BMPR2: variants seen among roughly 807,000 people sequenced by gnomAD.
BMPR2 encodes bone morphogenetic protein receptor type 2, also known as bone morphogenetic protein receptor type-2.
In BMPR2, 29 loss-of-function variants were observed where a neutral mutation model predicts 100.8. The observed-to-expected ratio is 0.29, with a 90% CI of 0.21 to 0.39. The LOEUF (loss-of-function observed/expected upper bound fraction) is 0.39. BMPR2 is among the 10% of genes least tolerant of loss of function. The pLI, the probability that BMPR2 is intolerant of heterozygous loss-of-function variation, is 1.00. For missense variants in BMPR2, 1,011 were observed against 1,274.5 expected (o/e 0.79, Z 3.15); for synonymous variants, 382 against 442.3 (o/e 0.86, Z 1.71).
intron 3 of BMPR2, among the ~76,000 whole-genome samples, chr2:202,478,547 C>G (rs1472048207): frequency 6.6e-6 from 1 of 152,024 alleles, no homozygotes; most frequent in African/African-American, 2.4e-5. Context: ...CATTTGAGCC[C>G]AGGAGTTTAA....
At chr2:202,469,742 C>CA (rs1296104960) in intron 3 of BMPR2, among the ~76,000 whole-genome samples, 1 of 152,022 alleles carries the variant, frequency 6.6e-6, no homozygotes, top group Non-Finnish European at 1.5e-5. Context: ...CTCGGCCTCC[C>CA]AAAGTGCTGA....
rs1249517799 is a variant in BMPR2 at position 202,535,265 on chromosome 2, G to A, written c.1276+2533G>A. ...TTCCCAGACGGAGCGGCTGCTGGGCGGAGAGGCTCCTCACTTCTCAGACGG... is the reference window on the plus strand; with the variant it reads ...TTCCCAGACGGAGCGGCTGCTGGGCAGAGAGGCTCCTCACTTCTCAGACGG... On this transcript the variant is annotated intron_variant, in intron 9 of 12. Coordinates refer to ENST00000374580, the MANE Select transcript of BMPR2 (RefSeq NM_001204.7). 6.4e-4 allele frequency among the ~76,000 whole-genome samples: 97 copies of A among 151,720 alleles called. 1 individual carries two copies. The highest frequency in any genetic ancestry group is 2.3e-3 in the African/African-American group (95 of 41,344).
At chr2:202,414,952 C>T (rs879341387) in intron 1 of BMPR2, among the ~76,000 whole-genome samples, 6 of 151,926 alleles carry the variant, frequency 3.9e-5, no homozygotes, top group African/African-American at 1.5e-4. Flanking sequence ...ATTGTCCAGG[C>T]TGGTCTTGAA....
At chr2:202,533,135 CT>C (rs1041097831) in intron 9 of BMPR2, among the ~76,000 whole-genome samples, 5 of 151,482 alleles carry the variant, frequency 3.3e-5, no homozygotes, top group South Asian at 2.1e-4. Flanking sequence ...TTTTCCTTTT[CT>C]TTTTTTTTCA....
intron 1 of BMPR2, among the ~76,000 whole-genome samples, chr2:202,384,791 C>G (rs1398985058): frequency 1.3e-5 from 2 of 151,878 alleles, no homozygotes; most frequent in Non-Finnish European, 2.9e-5. Context: ...CGGGGTTTCT[C>G]CATGCTGGTC....
chr2:202,518,047 C>T (rs1441129169), intron 5 of BMPR2, among the ~76,000 whole-genome samples: 2 of 137,530 alleles, frequency 1.5e-5, no homozygotes, highest in African/African-American at 2.7e-5. Flanking sequence ...AGGATGGTCT[C>T]GATCTCCTGA....
chr2:202,453,198 A>G (rs1692022395), intron 1 of BMPR2, among the ~76,000 whole-genome samples: 1 of 107,680 alleles, frequency 9.3e-6, no homozygotes, highest in Admixed American at 1.1e-4. Context: ...AGTTTAATAT[A>G]TACTGTCTTT....
chr2:202,517,853 C>A (rs1687742707), intron 5 of BMPR2, among the ~76,000 whole-genome samples: 1 of 150,214 alleles, frequency 6.7e-6, no homozygotes, highest in Admixed American at 6.6e-5. Context: ...CACTCGGTCA[C>A]CCAGTCTGGA....
intron 7 of BMPR2, among the ~76,000 whole-genome samples, chr2:202,523,223 C>CAAA (rs1390304579): frequency 6.6e-6 from 1 of 152,122 alleles, no homozygotes; most frequent in African/African-American, 2.4e-5. Context: ...AATGAAAAGT[C>CAAA]AAAAAACAAC....
chr2:202,446,994 G>C (rs1019463742), intron 1 of BMPR2, among the ~76,000 whole-genome samples: 2 of 149,148 alleles, frequency 1.3e-5, no homozygotes, highest in Admixed American at 1.3e-4. Flanking sequence ...TGTTTAATAC[G>C]GTCTTTCCCC....
chr2:202,434,924 TATATATATA>T (rs1559037463), intron 1 of BMPR2, among the ~76,000 whole-genome samples: 3 of 115,434 alleles, frequency 2.6e-5, no homozygotes, highest in African/African-American at 1.0e-4. Flanking sequence ...TATATATATA[TATATATATA>T]TATTTATTTA....
At chr2:202,406,574 C>T (rs998742882) in intron 1 of BMPR2, among the ~76,000 whole-genome samples, 1 of 152,214 alleles carries the variant, frequency 6.6e-6, no homozygotes, top group African/African-American at 2.4e-5. Flanking sequence ...ATATTTGTAG[C>T]ATATTAAAAT....
Position 202,532,875 on chromosome 2 carries a change from A to G in BMPR2, c.1276+143A>G. ...TTTAGTTCATTGCTATCTAGTGTTTAGAAACATTATTAGCAGCAGGATGCA... is the reference window on the plus strand; with the variant it reads ...TTTAGTTCATTGCTATCTAGTGTTTGGAAACATTATTAGCAGCAGGATGCA... On this transcript the variant is annotated intron_variant, in intron 9 of 12. Coordinates refer to ENST00000374580, the MANE Select transcript of BMPR2 (RefSeq NM_001204.7). This position sits in a 1 kb window ranked among gnomAD's most constrained non-coding sequence, Gnocchi z 4.1. The G allele has an allele frequency of 1.9e-6, 2 of 1,049,340 alleles. No homozygotes were observed. Among genetic ancestry groups the G allele is most frequent in the South Asian group, 1.6e-5 (1 of 62,402 alleles). 65.0% of individuals were successfully genotyped at this position (1,049,340 alleles called of 1,614,324 possible).
chr2:202,377,073 C>G lies in BMPR2; in HGVS notation c.-402C>G. 3.8e-6 allele frequency: 2 copies of G among 532,028 alleles called. No individual in the cohort carries two copies. Among genetic ancestry groups the G allele is most frequent in the Non-Finnish European group, 6.6e-6 (2 of 303,882 alleles). The allele number at this position is 532,028 out of a possible 1,614,324, so 33.0% of individuals were successfully genotyped here. The stretch of plus-strand genomic sequence containing the variant: ...GGGAACTAGTTCTGACCCTCGCCCC[C>G]CGACCCCGGATCGAATCCCCGCCCT... On this transcript the variant is annotated 5_prime_UTR_variant, in exon 1 of 13. Transcript: ENST00000374580.
chr2:202,431,524 TTAA>T (rs949246385), intron 1 of BMPR2, among the ~76,000 whole-genome samples: 1 of 150,764 alleles, frequency 6.6e-6, no homozygotes, highest in Non-Finnish European at 1.5e-5. Context: ...CATGCACCAC[TTAA>T]TGATGTTTTT....
chr2:202,455,280 G>A (rs538351561), intron 1 of BMPR2, among the ~76,000 whole-genome samples: 3 of 152,278 alleles, frequency 2.0e-5, no homozygotes, highest in Admixed American at 2.0e-4. Flanking sequence ...GAGAGTGATG[G>A]TTCACACCTG....
At chr2:202,546,903 GTGTTT>G (rs112692454) in intron 10 of BMPR2, among the ~76,000 whole-genome samples, 67,718 of 141,504 alleles carry the variant, frequency 0.48, 16,544 homozygotes, top group East Asian at 0.73. Context: ...TGCCCAGCCG[GTGTTT>G]TGTTTTGTTT....
At chr2:202,516,243 T>G (rs1035079807) in intron 5 of BMPR2, among the ~76,000 whole-genome samples, 1 of 152,214 alleles carries the variant, frequency 6.6e-6, no homozygotes, top group African/African-American at 2.4e-5. Context: ...TTGTAAGAAC[T>G]TTCTGTTTTG....
chr2:202,555,405 G>T lies in BMPR2; in HGVS notation c.1740G>T (p.Gly580=), dbSNP rs1348564707. The T allele has an allele frequency of 3.7e-6, 6 of 1,614,060 alleles. No homozygotes were observed. The highest frequency in any genetic ancestry group is 5.1e-6 in the Non-Finnish European group (6 of 1,180,018). ...HSMSSTPLTI[G]EKNRNSINYE... ...TGTCCAGCACACCTTTGACTATAGG[G>T]GAAAAAAACCGAAATTCAATTAACT... The change falls in exon 12 of 13, where the codon GGG becomes GGT. Residue 580 remains glycine (G), a synonymous_variant. Transcript: ENST00000374580.
Sources: gnomAD v4.1 joint callset for allele counts (sites outside exome capture counted in the v4.1 genomes callset) on GRCh38, gnomAD v4.1.1 for gene constraint, Gnocchi (gnomAD v3.1) non-coding constraint, MANE v1.5 for transcripts, NCBI Gene and HGNC (gene_info 2026-07-23, HGNC 2026-07-21) for gene names.